RASL11A: variants seen among roughly 807,000 people sequenced by gnomAD.
RASL11A encodes the protein RAS like family 11 member A, also known as ras-like protein family member 11A.
In RASL11A, 14 loss-of-function variants were observed where a neutral mutation model predicts 17.1. The ratio of observed to expected loss-of-function variants is 0.82; its 90% CI spans 0.54 to 1.28. The LOEUF is 1.28. RASL11A is among the 50% of genes most tolerant of loss of function. The pLI, the probability that RASL11A is intolerant of heterozygous loss-of-function variation, is 0.00. For synonymous variants in RASL11A, 146 were observed against 132.5 expected (o/e 1.10, Z -0.70); for missense variants, 283 against 312.3 (o/e 0.91, Z 0.71).
chr13:27,273,764 C>T lies in RASL11A; in HGVS notation c.*270C>T, dbSNP rs1882387139. On this transcript the variant is annotated 3_prime_UTR_variant, in exon 4 of 4. Transcript: ENST00000241463. ...TTTTCCATTAAAGGCAAAATGGCAA[C>T]ATTGCTCATTGTTTTCTCAATGTCT... 1 of 305,446 alleles carries T rather than the reference C, an allele frequency of 3.3e-6. No individual in the cohort carries two copies. The highest frequency in any genetic ancestry group is 5.5e-6 in the Non-Finnish European group (1 of 181,758). 18.9% of individuals were successfully genotyped at this position (305,446 alleles called of 1,614,324 possible). A position where few individuals can be genotyped will look rare whatever the true frequency, so the allele number is the denominator to read the frequency against.
In RASL11A at chr13:27,270,833, C is replaced by A. The variant is rs955426846; in HGVS notation, c.-112C>A. On this transcript the variant is annotated 5_prime_UTR_variant, in exon 1 of 4. Transcript: ENST00000241463. ...CCGCGGGCCTTGACAGTTCTGCAGG[C>A]AGCCGCCGCGGTCCCGGACCTCTAG... The A allele has an allele frequency of 1.2e-5, 17 of 1,413,792 alleles. No homozygotes were observed. In the African/African-American group the frequency reaches 2.2e-4, roughly 18 times the overall value. 87.6% of individuals were successfully genotyped at this position (1,413,792 alleles called of 1,614,324 possible).
In RASL11A at chr13:27,271,086, C is replaced by T. The variant is rs1238059548; in HGVS notation, c.124+18C>T. ...CAAGAGCGGTGAGTGCGGCGGGGAC[C>T]CCCGGGCGGCTTCGCTCCCCGGCTC... On this transcript the variant is annotated intron_variant, in intron 1 of 3. Transcript: ENST00000241463. 37 of 1,549,838 alleles carry T rather than the reference C, an allele frequency of 2.4e-5. No individual in the cohort carries two copies. Among genetic ancestry groups the T allele is most frequent in the Non-Finnish European group, 3.1e-5 (36 of 1,146,896 alleles).
chr13:27,271,136 C>A (rs959900339), intron 1 of RASL11A, 68 bp downstream of exon 1: 5 of 1,510,302 alleles, frequency 3.3e-6, no homozygotes, highest in African/African-American at 1.4e-5. Flanking sequence ...GGGGGCGCTG[C>A]GGAGAGAGGG....
In RASL11A at chr13:27,271,061, C is replaced by CA; in HGVS notation, c.119dup (p.Ser41GlufsTer17). On this transcript the variant is annotated frameshift_variant, in exon 1 of 4. Coordinates refer to ENST00000241463, the MANE Select transcript of RASL11A (RefSeq NM_206827.2). LOFTEE classifies it high-confidence loss of function. ...CGGTGCTGGGCGCCGGCCGCGTGGGCAAGAGCGGTGAGTGCGGCGGGGACC... is the reference window on the plus strand; with the variant it reads ...CGGTGCTGGGCGCCGGCCGCGTGGGCAAAGAGCGGTGAGTGCGGCGGGGACC... The CA allele has an allele frequency of 6.4e-7, 1 of 1,573,960 alleles. No individual in the cohort carries two copies. The highest frequency in any genetic ancestry group is 1.2e-5 in the South Asian group (1 of 86,070).
rs114425464 is a variant in RASL11A, at chr13:27,271,791, C to T, written c.261+73C>T. On this transcript the variant is annotated intron_variant, in intron 3 of 3. Coordinates refer to ENST00000241463, the MANE Select transcript of RASL11A (RefSeq NM_206827.2). ...CCCAGTGGGCACAGCACGTAGGGCG[C>T]CCATGCTGGGCGCAGGGGTCTGAGC... The T allele has an allele frequency of 6.5e-4, 851 of 1,308,024 alleles. 6 individuals carry two copies. In the African/African-American group the frequency reaches 0.012, roughly 18 times the overall value. The allele number at this position is 1,308,024 out of a possible 1,614,324, so 81.0% of individuals were successfully genotyped here.
rs1882411410 is a variant in RASL11A at position 27,274,375 on chromosome 13, C to G, written c.*881C>G. 2.0e-5 allele frequency among the ~76,000 whole-genome samples: 3 copies of G among 152,136 alleles called. No individual in the cohort carries two copies. The South Asian group carries it at 6.2e-4, about 32-fold the overall frequency. On this transcript the variant is annotated 3_prime_UTR_variant, in exon 4 of 4. Transcript: ENST00000241463. The stretch of plus-strand genomic sequence containing the variant: ...AAAACTAACCCTAATCATTTTATTT[C>G]TATAAAAAACCCAGCTGGTTTCCCC...
In RASL11A at chr13:27,274,258, G is replaced by A. The variant is rs757026340; in HGVS notation, c.*764G>A. Among the ~76,000 whole-genome samples the A allele has an allele frequency of 9.2e-5, 14 of 152,062 alleles. No individual in the cohort carries two copies. Among genetic ancestry groups the A allele is most frequent in the South Asian group, 2.1e-4 (1 of 4,814 alleles). ...TGTCCCTTAATCTAGACCTCCCTTT[G>A]ACTGGCAGGCAAGAATCTAGGCAAG... On this transcript the variant is annotated 3_prime_UTR_variant, in exon 4 of 4. Transcript: ENST00000241463.
rs1229960723 is a variant in RASL11A, at chr13:27,274,694, G to A, written c.*1200G>A. 6.6e-6 allele frequency among the ~76,000 whole-genome samples: 1 copy of A among 152,102 alleles called. No homozygotes were observed. The highest frequency in any genetic ancestry group is 1.5e-5 in the Non-Finnish European group (1 of 68,018). On this transcript the variant is annotated 3_prime_UTR_variant, in exon 4 of 4. Transcript: ENST00000241463. ...CCTTCTCTGGTCTTCCTCTATTCCT[G>A]GAGCATTTGTGTTATAACCCAACCC...
rs1246937479 is a variant in RASL11A at position 27,275,058 on chromosome 13, G to A, written c.*1564G>A. On this transcript the variant is annotated 3_prime_UTR_variant, in exon 4 of 4. Transcript: ENST00000241463. ...GGACAGCTCTGTCCAGACCTGTGAT[G>A]TCAGCACCACTTTTCCCTGTAGTTG... is the stretch of plus-strand genomic sequence containing the variant. 6.6e-6 allele frequency among the ~76,000 whole-genome samples: 1 copy of A among 152,214 alleles called. No homozygotes were observed. Among genetic ancestry groups the A allele is most frequent in the Non-Finnish European group, 1.5e-5 (1 of 68,042 alleles).
chr13:27,271,177 A>C (rs1882270757), intron 1 of RASL11A, 109 bp downstream of exon 1: 1 of 1,472,138 alleles, frequency 6.8e-7, no homozygotes, highest in Non-Finnish European at 8.9e-7. Flanking sequence ...GCGCGGGTGC[A>C]GGTAGAATCG....
chr13:27,271,624 T>C lies in RASL11A; in HGVS notation c.182-15T>C, dbSNP rs540582542. The C allele has an allele frequency of 1.2e-6, 2 of 1,614,058 alleles. No individual in the cohort carries two copies. The highest frequency in any genetic ancestry group is 1.3e-5 in the African/African-American group (1 of 75,050). ...AGTTTGAGAATTAAAAAGCAAACTC[T>C]ACTTCATTCTCCAGGCAAGCTGTAT... On this transcript the variant is annotated splice_polypyrimidine_tract_variant and intron_variant, in intron 2 of 3. Transcript: ENST00000241463.
At chr13:27,272,345 C>T (rs988771454) in intron 3 of RASL11A, among the ~76,000 whole-genome samples, 2 of 152,200 alleles carry the variant, frequency 1.3e-5, no homozygotes, top group African/African-American at 4.8e-5. Flanking sequence ...GTTGGCCAGG[C>T]TGGTCTCGAA....
rs1482423096 is a variant in RASL11A, at chr13:27,273,071, C to T, written c.306C>T (p.Cys102=). The T allele has an allele frequency of 4.3e-6, 7 of 1,614,062 alleles. No homozygotes were observed. In the South Asian group the frequency reaches 4.4e-5, roughly 10 times the overall value. ...AGGTCGTCGATTCCCTGTCCAAATG[C>T]GTGCAGTGGGCCGAGGGTTTTCTGC... ...LPQVVDSLSK[C]VQWAEGFLLV... is the part of the protein sequence containing the mutation. Residue 102 remains cysteine, a synonymous_variant, in exon 4 of 4, where the codon TGC becomes TGT. Coordinates refer to ENST00000241463, the MANE Select transcript of RASL11A (RefSeq NM_206827.2).
Position 27,271,016 on chromosome 13 carries a change from G to C in RASL11A, c.72G>C (p.Leu24=). 6.3e-7 allele frequency: 1 copy of C among 1,592,204 alleles called. No homozygotes were observed. Among genetic ancestry groups the C allele is most frequent in the African/African-American group, 1.3e-5 (1 of 74,334 alleles). ...PIPESSSDYL[L]PKDIKLAVLG... is the part of the protein sequence containing the mutation. ...CCGAGTCCTCCTCGGACTACCTACT[G>C]CCCAAGGACATCAAACTGGCGGTGC... The change falls in exon 1 of 4, where the codon CTG becomes CTC. Residue 24 remains leucine, a synonymous_variant. Transcript: ENST00000241463.
At chr13:27,272,764 T>C (rs1443411098) in intron 3 of RASL11A, among the ~76,000 whole-genome samples, 2 of 152,204 alleles carry the variant, frequency 1.3e-5, no homozygotes, top group African/African-American at 4.8e-5. Context: ...TCAGCCATGG[T>C]TCACCAGAGA....
At position 27,273,245 on chromosome 13, in the gene RASL11A, G is replaced by A. The variant is rs1468325999; in HGVS notation, c.480G>A (p.Gln160=). The change falls in exon 4 of 4, where the codon CAG becomes CAA. Residue 160 remains glutamine (Q), a synonymous_variant. Coordinates refer to ENST00000241463, the MANE Select transcript of RASL11A (RefSeq NM_206827.2). ...TGCATGCCCGGCAGGTGCAGACACA[G>A]GACGGTATTCAGCTAGCCAATGAGC... is the stretch of plus-strand genomic sequence containing the variant. ...DLLHARQVQT[Q]DGIQLANELG... 9 of 1,614,216 alleles carry A rather than the reference G, an allele frequency of 5.6e-6. No homozygotes were observed. Among genetic ancestry groups the A allele is most frequent in the Non-Finnish European group, 7.6e-6 (9 of 1,180,032 alleles).
chr13:27,272,201 G>A (rs1057176046), intron 3 of RASL11A, among the ~76,000 whole-genome samples: 1 of 152,104 alleles, frequency 6.6e-6, no homozygotes, highest in Non-Finnish European at 1.5e-5. Context: ...TGCAACTTCC[G>A]CCTCCTAGGT....
In RASL11A at chr13:27,274,473, C is replaced by T. The variant is rs1482947773; in HGVS notation, c.*979C>T. Among the ~76,000 whole-genome samples, 1 of 152,220 alleles carries T rather than the reference C, an allele frequency of 6.6e-6. No homozygotes were observed. Among genetic ancestry groups the T allele is most frequent in the Non-Finnish European group, 1.5e-5 (1 of 68,036 alleles). On this transcript the variant is annotated 3_prime_UTR_variant, in exon 4 of 4. Coordinates refer to ENST00000241463, the MANE Select transcript of RASL11A (RefSeq NM_206827.2). ...ACCACCTCTCCAGGCTTATCAACCCCTCCTTCCAAAACACACACCAGCAGT... is the reference window on the plus strand; with the variant it reads ...ACCACCTCTCCAGGCTTATCAACCCTTCCTTCCAAAACACACACCAGCAGT...
rs928500384 is a variant in RASL11A, at chr13:27,270,882, C to T, written c.-63C>T. ...AGTCCCGCACTCCCAGCTGGCGAGC[C>T]GGCTCCGGGTGCGGCGAGGCCCAGC... On this transcript the variant is annotated 5_prime_UTR_variant, in exon 1 of 4. Coordinates refer to ENST00000241463, the MANE Select transcript of RASL11A (RefSeq NM_206827.2). 3.3e-6 allele frequency: 5 copies of T among 1,537,266 alleles called. No individual in the cohort carries two copies. The highest frequency in any genetic ancestry group is 1.2e-5 in the South Asian group (1 of 82,000).
Sources: gnomAD v4.1 joint callset for allele counts (sites outside exome capture counted in the v4.1 genomes callset) on GRCh38, gnomAD v4.1.1 for gene constraint, MANE v1.5 for transcripts, NCBI Gene and HGNC (gene_info 2026-07-23, HGNC 2026-07-21) for gene names.